LHPP: variants seen among roughly 807,000 people sequenced by gnomAD.
LHPP encodes phospholysine phosphohistidine inorganic pyrophosphate phosphatase.
In LHPP, 24 loss-of-function variants were observed where a neutral mutation model predicts 30.3. The ratio of observed to expected loss-of-function variants is 0.79; its 90% confidence interval spans 0.57 to 1.11. The LOEUF (loss-of-function observed/expected upper bound fraction) is 1.11, where lower values mean the gene tolerates loss of function less well. Ranked by LOEUF, LHPP falls within the 50% of genes most tolerant of loss-of-function variation. The pLI is 0.00. For missense variants in LHPP, 356 were observed against 367.2 expected (o/e 0.97, Z 0.25); for synonymous variants, 150 against 157.1 (o/e 0.95, Z 0.34).
At chr10:124,512,616 CAAAAAAAAAAA>C (rs34808470) in intron 5 of LHPP, among the ~76,000 whole-genome samples, 8 of 54,192 alleles carry the variant, frequency 1.5e-4, no homozygotes, top group Non-Finnish European at 2.8e-4. Context: ...GACTCCGTCT[CAAAAAAAAAAA>C]AAAAAAAAAA....
chr10:124,511,733 T>G (rs751108137), intron 5 of LHPP, among the ~76,000 whole-genome samples: 37 of 152,222 alleles, frequency 2.4e-4, no homozygotes, highest in Non-Finnish European at 4.3e-4. Flanking sequence ...CTTTGTACTT[T>G]CTCAATGGCT....
chr10:124,485,319 G>A (rs1031881192), intron 2 of LHPP, among the ~76,000 whole-genome samples: 1 of 152,026 alleles, frequency 6.6e-6, no homozygotes, highest in Non-Finnish European at 1.5e-5. Flanking sequence ...TGCTGGACCC[G>A]GGAGTGGAGC....
chr10:124,512,327 C>T (rs1954321809), intron 5 of LHPP, among the ~76,000 whole-genome samples: 1 of 152,134 alleles, frequency 6.6e-6, no homozygotes, highest in African/African-American at 2.4e-5. Flanking sequence ...TCCTTTGTAA[C>T]ATGTTTAGGC....
intron 6 of LHPP, among the ~76,000 whole-genome samples, chr10:124,529,432 C>T (rs915949975): frequency 6.6e-6 from 1 of 152,128 alleles, no homozygotes; most frequent in Non-Finnish European, 1.5e-5. Flanking sequence ...CAGGGCTCCC[C>T]CTTCTCATGG....
At position 124,593,711 on chromosome 10, in the gene LHPP, G is replaced by T. The variant is rs139620602; in HGVS notation, c.717-19553G>T. ...CCAGTGGCGGTGGCTGAGGAGAGGG[G>T]TTGGGGCGAGGACCAGCTCTGGGCA... On this transcript the variant is annotated intron_variant, in intron 6 of 6. Transcript: ENST00000368842. The surrounding 1 kb of genome is among the most constrained non-coding windows in gnomAD (Gnocchi z 4.9). Among the ~76,000 whole-genome samples, 5 of 152,238 alleles carry T rather than the reference G, an allele frequency of 3.3e-5. No individual in the cohort carries two copies. Among genetic ancestry groups the T allele is most frequent in the Non-Finnish European group, 5.9e-5 (4 of 68,030 alleles).
chr10:124,583,113 T>C (rs546276666), intron 6 of LHPP, among the ~76,000 whole-genome samples: 1 of 152,330 alleles, frequency 6.6e-6, no homozygotes, highest in South Asian at 2.1e-4. Context: ...TTCTTGATGT[T>C]GTTTTTTAAA....
intron 6 of LHPP, among the ~76,000 whole-genome samples, chr10:124,530,782 G>C (rs936284313): frequency 6.6e-6 from 1 of 152,190 alleles, no homozygotes; most frequent in Admixed American, 6.5e-5. Flanking sequence ...CCCTTCACGG[G>C]TGCAGACGAT....
chr10:124,520,900 A>G (rs1171301535), intron 6 of LHPP, among the ~76,000 whole-genome samples: 1 of 152,256 alleles, frequency 6.6e-6, no homozygotes, highest in Non-Finnish European at 1.5e-5. Flanking sequence ...GAAAGAGCTC[A>G]TGAGTATTTT....
At chr10:124,521,098 A>C (rs934384204) in intron 6 of LHPP, among the ~76,000 whole-genome samples, 1 of 152,036 alleles carries the variant, frequency 6.6e-6, no homozygotes, top group African/African-American at 2.4e-5. Context: ...TGGTACACAG[A>C]TACACTGAAA....
chr10:124,519,636 A>G (rs1954555598), intron 6 of LHPP, among the ~76,000 whole-genome samples: 1 of 152,056 alleles, frequency 6.6e-6, no homozygotes, highest in Admixed American at 6.6e-5. Flanking sequence ...TATTATTTTT[A>G]TGCCTTTGCG....
rs1311480913 is a variant in LHPP, at chr10:124,523,475, G to T, written c.716+6204G>T. On this transcript the variant is annotated intron_variant, in intron 6 of 6. Coordinates refer to ENST00000368842, the MANE Select transcript of LHPP (RefSeq NM_022126.4). This position sits in a 1 kb window ranked among gnomAD's most constrained non-coding sequence, Gnocchi z 4.2. The stretch of plus-strand genomic sequence containing the variant: ...GCCGTCAAAGCAGCAGCTTGTCCTG[G>T]GTCTTCCCAGACTTCGCAGTGACGG... 2.0e-5 allele frequency among the ~76,000 whole-genome samples: 3 copies of T among 152,228 alleles called. No homozygotes were observed. The East Asian group carries it at 5.8e-4, about 29-fold the overall frequency.
intron 6 of LHPP, among the ~76,000 whole-genome samples, chr10:124,594,584 A>G (rs967281161): frequency 1.3e-5 from 2 of 151,702 alleles, no homozygotes; most frequent in African/African-American, 4.8e-5. Context: ...TCTATCGTAA[A>G]TATCTCTGCA....
chr10:124,612,331 G>T (rs1320492134), intron 6 of LHPP, among the ~76,000 whole-genome samples: 1 of 152,162 alleles, frequency 6.6e-6, no homozygotes, highest in Admixed American at 6.5e-5. Flanking sequence ...CTTGAAACTG[G>T]GAGGCAGAGG....
chr10:124,587,777 C>T (rs1391619143), intron 6 of LHPP, among the ~76,000 whole-genome samples: 2 of 141,450 alleles, frequency 1.4e-5, no homozygotes, highest in Admixed American at 1.4e-4. Context: ...CAAAAAAACC[C>T]ACCCTGAGTT....
chr10:124,508,350 C>G (rs1044799038), intron 5 of LHPP, among the ~76,000 whole-genome samples: 1 of 152,206 alleles, frequency 6.6e-6, no homozygotes, highest in Non-Finnish European at 1.5e-5. Flanking sequence ...GTGCCCACTT[C>G]CAGCACTGAA....
At chr10:124,490,418 G>T in intron 3 of LHPP, 3 of 335,014 alleles carry the variant, frequency 9.0e-6, no homozygotes, top group Admixed American at 3.0e-5. Flanking sequence ...TGCAACCTCA[G>T]GACCTGAGAG....
intron 6 of LHPP, among the ~76,000 whole-genome samples, chr10:124,578,892 C>G (rs1222082191): frequency 6.6e-6 from 1 of 152,202 alleles, no homozygotes; most frequent in Non-Finnish European, 1.5e-5. Flanking sequence ...CTCCACCCAT[C>G]TTAGGCTGCT....
At chr10:124,465,808 C>T (rs139600230) in intron 1 of LHPP, among the ~76,000 whole-genome samples, 1,887 of 152,296 alleles carry the variant, frequency 0.012, 39 homozygotes, top group African/African-American at 0.042. Context: ...AGTGATTCAC[C>T]CACCTTGGCC....
intron 4 of LHPP, among the ~76,000 whole-genome samples, chr10:124,497,312 C>G (rs1002758255): frequency 1.9e-5 from 2 of 106,586 alleles, no homozygotes; most frequent in African/African-American, 3.1e-5. Context: ...GGCGCAGCCC[C>G]CCCTGCCCGC....
Sources: allele counts gnomAD v4.1 joint callset (sites outside exome capture counted in the v4.1 genomes callset), GRCh38; gene constraint gnomAD v4.1.1; non-coding constraint Gnocchi (gnomAD v3.1); transcripts MANE v1.5; gene names NCBI Gene and HGNC (gene_info 2026-07-23, HGNC 2026-07-21).